SI: variants seen among roughly 807,000 people sequenced by gnomAD.
SI encodes sucrase-isomaltase.
In SI, 235 loss-of-function variants were observed where a neutral mutation model predicts 253.3. That is an observed-to-expected ratio of 0.93 (90% CI 0.83 to 1.03). The LOEUF is 1.03. Ranked by LOEUF, SI falls within the 50% of genes least tolerant of loss-of-function variation. The probability of loss-of-function intolerance (pLI) is 0.00; values close to 1 mark genes in which losing one functional copy is unlikely to be tolerated. For synonymous variants in SI, 819 were observed against 712.0 expected, an observed-to-expected ratio of 1.15 and a Z score of -2.39; for missense variants, 2,442 against 2,211.1, an observed-to-expected ratio of 1.10 and a Z score of -2.09.
At chr3:165,079,792 G>A (rs556784383), upstream of SI, among the ~76,000 whole-genome samples, 6 of 151,638 alleles carry the variant, frequency 4.0e-5, no homozygotes, top group Non-Finnish European at 8.8e-5. Flanking sequence ...CTACAATATA[G>A]ATATAGACAG....
chr3:165,055,630 T>C (rs920638050), intron 12 of SI, among the ~76,000 whole-genome samples: 1 of 151,958 alleles, frequency 6.6e-6, no homozygotes, highest in African/African-American at 2.4e-5. Context: ...ATATTCTATA[T>C]AATATATTTT....
chr3:164,979,691 C>G (rs1438943775), intron 47 of SI, among the ~76,000 whole-genome samples: 4 of 151,670 alleles, frequency 2.6e-5, no homozygotes, highest in Admixed American at 2.6e-4. Flanking sequence ...AAACTCTCAG[C>G]CAATTTTATT....
In SI at chr3:165,040,063, G is replaced by A; in HGVS notation, c.2160-92C>T. On this transcript the variant is annotated intron_variant, in intron 18 of 47. Transcript: ENST00000264382. ...GTTTATCTTTTCAGTTTTTTCCTGG[G>A]AATTGTTGTTATCTTGAATTGTGCT... The A allele has an allele frequency of 1.1e-5, 11 of 978,460 alleles. 1 individual carries two copies. The South Asian group carries it at 1.4e-4, about 13-fold the overall frequency. 60.6% of individuals were successfully genotyped at this position (978,460 alleles called of 1,614,324 possible). A position where few individuals can be genotyped will look rare whatever the true frequency, so the allele number is the denominator to read the frequency against.
At chr3:164,985,977 A>T (rs1717414521) in intron 45 of SI, among the ~76,000 whole-genome samples, 1 of 152,266 alleles carries the variant, frequency 6.6e-6, no homozygotes, top group Non-Finnish European at 1.5e-5. Context: ...TATGAATGGA[A>T]TAAGCCTAGA....
chr3:165,080,464 G>A (rs1453602176), upstream of SI, among the ~76,000 whole-genome samples: 1 of 151,928 alleles, frequency 6.6e-6, no homozygotes, highest in Non-Finnish European at 1.5e-5. Flanking sequence ...TATGTTTATT[G>A]TGGCACTATT....
chr3:165,076,159 C>T, intron 1 of SI, 147 bp from the exon 2 acceptor site: 1 of 524,356 alleles, frequency 1.9e-6, no homozygotes, highest in Non-Finnish European at 3.1e-6. Context: ...CTAAATTAAG[C>T]ACTTACTTAA....
chr3:165,055,576 GT>G (rs1221764722), intron 12 of SI, among the ~76,000 whole-genome samples: 2 of 151,780 alleles, frequency 1.3e-5, no homozygotes, highest in East Asian at 3.9e-4. Flanking sequence ...CTGTAAATTT[GT>G]TTTTAAGCAT....
intron 37 of SI, among the ~76,000 whole-genome samples, chr3:165,005,957 A>C (rs1224584908): frequency 6.6e-6 from 1 of 152,134 alleles, no homozygotes. Context: ...AGTGCTAATA[A>C]AGAATTGATT....
chr3:165,037,831 T>G, intron 21 of SI, 69 bp downstream of exon 21: 3 of 1,130,424 alleles, frequency 2.7e-6, no homozygotes, highest in Non-Finnish European at 3.9e-6. Flanking sequence ...TCTCTAATTC[T>G]TAATGCAAAT....
intron 1 of SI, among the ~76,000 whole-genome samples, chr3:165,076,978 GT>G (rs770851693): frequency 0.021 from 2,280 of 106,846 alleles, 28 homozygotes; most frequent in African/African-American, 0.066. Context: ...ATCACGGTTT[GT>G]TTTTTTTTTT....
chr3:165,028,048 C>T (rs1712021603), intron 25 of SI, among the ~76,000 whole-genome samples: 1 of 151,230 alleles, frequency 6.6e-6, no homozygotes, highest in South Asian at 2.1e-4. Flanking sequence ...CTAAAGACTC[C>T]TCCAAAAAGC....
intron 5 of SI, among the ~76,000 whole-genome samples, 163 bp from the exon 6 acceptor site, chr3:165,067,654 A>T (rs544514907): frequency 6.6e-6 from 1 of 152,200 alleles, no homozygotes; most frequent in East Asian, 1.9e-4. Flanking sequence ...TTGAATGGCT[A>T]TGCACAGAAA....
At chr3:165,012,510 G>A (rs895387462) in intron 34 of SI, among the ~76,000 whole-genome samples, 1 of 152,006 alleles carries the variant, frequency 6.6e-6, no homozygotes, top group African/African-American at 2.4e-5. Flanking sequence ...CTCACTGCAA[G>A]CTCCACCTCC....
the SI span, among the ~76,000 whole-genome samples, chr3:165,089,768 T>C: frequency 6.6e-6 from 1 of 151,030 alleles, no homozygotes; most frequent in Admixed American, 6.6e-5. Context: ...GTGGACTGAA[T>C]TACTCTCTGC....
At chr3:165,067,516 A>T in intron 5 of SI, 25 bp from the exon 6 acceptor site, 3 of 1,573,474 alleles carry the variant, frequency 1.9e-6, no homozygotes, top group Non-Finnish European at 2.6e-6. Flanking sequence ...GCAAGGTAGC[A>T]TTACTGGATT....
At chr3:165,089,160 T>C in the SI span, among the ~76,000 whole-genome samples, 3 of 151,850 alleles carry the variant, frequency 2.0e-5, no homozygotes, top group East Asian at 1.9e-4. Context: ...AGTTTTCATA[T>C]TGGCAAATTT....
chr3:164,999,235 G>T (rs1718154335), intron 37 of SI, among the ~76,000 whole-genome samples: 1 of 151,448 alleles, frequency 6.6e-6, no homozygotes, highest in Non-Finnish European at 1.5e-5. Flanking sequence ...CAACAGAATG[G>T]GTTGTGTAAA....
rs1416779997 is a variant in SI at position 165,017,586 on chromosome 3, C to G, written c.3721G>C (p.Glu1241Gln). ...GCAGCCACCATAGCGTCATATAATT[C>G]CCGAACCTCTGAAGTATTTGCATAT... ...YGYANTSEVR[E>Q]LYDAMVAANI... The change falls in exon 31 of 48, where the codon GAA (glutamate) becomes CAA (glutamine). Residue 1241 changes from glutamate to glutamine, a missense_variant. By Grantham distance (29) the Glu-to-Gln change is conservative. Coordinates refer to ENST00000264382, the MANE Select transcript of SI (RefSeq NM_001041.4). 6.2e-7 allele frequency: 1 copy of G among 1,612,468 alleles called. No homozygotes were observed. Among genetic ancestry groups the G allele is most frequent in the East Asian group, 2.2e-5 (1 of 44,760 alleles).
rs747365658 is a variant in SI, at chr3:164,979,406, G to A, written c.5440C>T (p.His1814Tyr). Residue 1814 changes from histidine (H) to tyrosine (Y), a missense_variant, in exon 48 of 48, where the codon CAC (histidine) becomes TAC (tyrosine). Transcript: ENST00000264382. ...ATTGGTTCTTCTAGAGTAACATTGT[G>A]TGTGGTCAGATCAATACGTAATATC... ...NMILRIDLTT[H>Y]NVTLEEPIEI... 7.6e-6 allele frequency: 12 copies of A among 1,577,730 alleles called. No homozygotes were observed. In the Admixed American group the frequency reaches 1.3e-4, roughly 18 times the overall value.
Sources: gnomAD v4.1 joint callset for allele counts (sites outside exome capture counted in the v4.1 genomes callset) on GRCh38, gnomAD v4.1.1 for gene constraint, MANE v1.5 for transcripts, NCBI Gene and HGNC (gene_info 2026-07-23, HGNC 2026-07-21) for gene names.